Variants in GTF2F2 observed in about 807,000 individuals in gnomAD.
GTF2F2 encodes general transcription factor IIF subunit 2, also known as ATP-dependent helicase GTF2F2.
A neutral mutation model predicts 42.2 loss-of-function variants in GTF2F2; 23 were observed. That is an observed-to-expected ratio of 0.55 (90% confidence interval 0.39 to 0.77). The LOEUF (loss-of-function observed/expected upper bound fraction) is 0.77. GTF2F2 is among the 30% of genes least tolerant of loss of function. The probability of loss-of-function intolerance (pLI) is 0.00; values close to 1 mark genes in which losing one functional copy is unlikely to be tolerated. For synonymous variants in GTF2F2, 105 were observed against 100.8 expected (o/e 1.04, Z -0.25); for missense variants, 261 against 287.2 (o/e 0.91, Z 0.66).
At chr13:45,194,507 G>T (rs746630026) in intron 4 of GTF2F2, 1 of 1,614,058 alleles carries the variant, frequency 6.2e-7, no homozygotes, top group East Asian at 2.2e-5. Flanking sequence ...GTATCTTCCA[G>T]GCTGTTGTGT....
chr13:45,256,711 G>C (rs927879714), intron 6 of GTF2F2, among the ~76,000 whole-genome samples: 6 of 152,076 alleles, frequency 3.9e-5, no homozygotes, highest in Non-Finnish European at 8.8e-5. Context: ...ATTAGAAGAG[G>C]ACATTGACTT....
intron 6 of GTF2F2, among the ~76,000 whole-genome samples, chr13:45,265,092 C>A (rs1328296066): frequency 6.6e-6 from 1 of 152,082 alleles, no homozygotes; most frequent in Admixed American, 6.6e-5. Context: ...AACCCTGTCT[C>A]TACTAAAAAT....
At chr13:45,154,641 T>G (rs1870663001) in intron 4 of GTF2F2, among the ~76,000 whole-genome samples, 1 of 152,236 alleles carries the variant, frequency 6.6e-6, no homozygotes, top group South Asian at 2.1e-4. Flanking sequence ...ATTCTGTGCC[T>G]TAATTTCCTC....
intron 7 of GTF2F2, among the ~76,000 whole-genome samples, chr13:45,272,424 TAAAAAAA>T (rs11393681): frequency 5.0e-5 from 5 of 99,630 alleles, no homozygotes; most frequent in African/African-American, 1.8e-4. Flanking sequence ...TTTGGCTCTT[TAAAAAAA>T]AAAAAAAAAC....
intron 4 of GTF2F2, among the ~76,000 whole-genome samples, chr13:45,165,564 C>A (rs1203093037): frequency 2.5e-5 from 3 of 120,606 alleles, no homozygotes; most frequent in African/African-American, 9.6e-5. Flanking sequence ...TTCCACTGCC[C>A]TCGCCCCCCC....
At chr13:45,147,791 G>A (rs1870273616) in intron 2 of GTF2F2, among the ~76,000 whole-genome samples, 1 of 152,190 alleles carries the variant, frequency 6.6e-6, no homozygotes, top group African/African-American at 2.4e-5. Flanking sequence ...CAGAAAGAAT[G>A]TGCTAGATAC....
chr13:45,142,800 C>A (rs1032254808), intron 2 of GTF2F2, among the ~76,000 whole-genome samples: 1 of 152,132 alleles, frequency 6.6e-6, no homozygotes, highest in Admixed American at 6.5e-5. Context: ...TAACTAAATT[C>A]ACTGTTAAAC....
intron 5 of GTF2F2, among the ~76,000 whole-genome samples, chr13:45,213,148 G>A (rs940790814): frequency 2.0e-5 from 3 of 150,528 alleles, no homozygotes; most frequent in Admixed American, 6.6e-5. Context: ...GCGCCATCTC[G>A]GCTCACTGCA....
chr13:45,131,531 A>G lies in GTF2F2; in HGVS notation c.67-5202A>G, dbSNP rs146246311. Among the ~76,000 whole-genome samples the G allele has an allele frequency of 2.2e-3, 340 of 152,258 alleles. 5 individuals carry two copies. The highest frequency in any genetic ancestry group is 7.7e-3 in the African/African-American group (321 of 41,560). On this transcript the variant is annotated intron_variant, in intron 1 of 7. Transcript: ENST00000340473. The stretch of plus-strand genomic sequence containing the variant: ...GAGTGGCAGGGAGGAGAGCCTGTCT[A>G]GAGTAAGTTCAAAACAAAGTGGCAG...
chr13:45,161,303 T>C (rs1344367958), intron 4 of GTF2F2, among the ~76,000 whole-genome samples: 1 of 152,192 alleles, frequency 6.6e-6, no homozygotes, highest in African/African-American at 2.4e-5. Context: ...TATTTTGACC[T>C]TGTGGACACC....
rs1362607203 is a variant in GTF2F2 at position 45,165,326 on chromosome 13, TA to T, written c.304+13496del. 4.9e-3 allele frequency among the ~76,000 whole-genome samples: 642 copies of T among 131,962 alleles called. 1 individual carries two copies. Among genetic ancestry groups the T allele is most frequent in the African/African-American group, 0.019 (591 of 31,500 alleles). The allele number at this position is 131,962 out of a possible 152,430, so 86.6% of individuals were successfully genotyped here. A position where few individuals can be genotyped will look rare whatever the true frequency, so the allele number is the denominator to read the frequency against. Reference sequence around the variant, plus strand: ...TATATCTAAAATATATATATATATATATATATTTTTTTTTTCTTTGAGACAA... The same window carrying T: ...TATATCTAAAATATATATATATATATTATATTTTTTTTTTCTTTGAGACAA... On this transcript the variant is annotated intron_variant, in intron 4 of 7. Coordinates refer to ENST00000340473, the MANE Select transcript of GTF2F2 (RefSeq NM_004128.3).
chr13:45,150,782 G>A (rs949796443), intron 3 of GTF2F2, among the ~76,000 whole-genome samples: 1 of 150,170 alleles, frequency 6.7e-6, no homozygotes, highest in South Asian at 2.1e-4. Context: ...GACCTCAAGT[G>A]ATCAGCCCAC....
chr13:45,224,559 G>A (rs1874249779), intron 5 of GTF2F2, among the ~76,000 whole-genome samples: 1 of 152,164 alleles, frequency 6.6e-6, no homozygotes, highest in South Asian at 2.1e-4. Context: ...TAGAAAATAT[G>A]TAGAATATCT....
chr13:45,179,524 G>T (rs1213319325), intron 4 of GTF2F2, among the ~76,000 whole-genome samples: 2 of 152,168 alleles, frequency 1.3e-5, no homozygotes, highest in Non-Finnish European at 2.9e-5. Flanking sequence ...TGCCCTGAAG[G>T]TATATAGTCC....
chr13:45,129,995 A>C (rs560744814), intron 1 of GTF2F2, among the ~76,000 whole-genome samples: 3 of 152,362 alleles, frequency 2.0e-5, no homozygotes, highest in African/African-American at 7.2e-5. Flanking sequence ...ATGCGTCTTT[A>C]GATGGGACGT....
At chr13:45,230,920 T>TG (rs1874643589) in intron 5 of GTF2F2, among the ~76,000 whole-genome samples, 5 of 152,156 alleles carry the variant, frequency 3.3e-5, no homozygotes, top group African/African-American at 1.2e-4. Context: ...GCAGCTTTTG[T>TG]GGGGTTTTTT....
intron 4 of GTF2F2, among the ~76,000 whole-genome samples, chr13:45,182,029 C>G (rs1488932661): frequency 6.6e-6 from 1 of 152,178 alleles, no homozygotes; most frequent in Admixed American, 6.5e-5. Context: ...TCCTCCCTCT[C>G]TCTGGAGGTA....
chr13:45,137,201 A>G (rs1293336366), intron 2 of GTF2F2, among the ~76,000 whole-genome samples: 1 of 152,186 alleles, frequency 6.6e-6, no homozygotes, highest in Non-Finnish European at 1.5e-5. Context: ...CACTGGGCCT[A>G]CTTATAGGGG....
chr13:45,144,150 G>A (rs187918846), intron 2 of GTF2F2, among the ~76,000 whole-genome samples: 37 of 152,208 alleles, frequency 2.4e-4, no homozygotes, highest in Admixed American at 1.2e-3. Flanking sequence ...TCCTCGGGAG[G>A]CTGAGGCAGG....
Sources: gnomAD v4.1 joint callset for allele counts (sites outside exome capture counted in the v4.1 genomes callset) on GRCh38, gnomAD v4.1.1 for gene constraint, MANE v1.5 for transcripts, NCBI Gene and HGNC (gene_info 2026-07-23, HGNC 2026-07-21) for gene names.